The following USP42 variants were observed in gnomAD, a reference collection of about 807,000 sequenced individuals.
USP42 encodes the protein ubiquitin specific peptidase 42.
Under a neutral mutation model 113.0 loss-of-function variants are expected in USP42, and 23 were observed. That is an observed-to-expected ratio of 0.20 (90% CI 0.15 to 0.29). USP42 has a LOEUF of 0.29. USP42 is among the 10% of genes least tolerant of loss of function. USP42 has a pLI of 1.00. For missense variants in USP42, 2,174 were observed against 1,779.8 expected (o/e 1.22, Z -3.99); for synonymous variants, 933 against 699.0 (o/e 1.33, Z -5.28).
At chr7:6,124,928 C>G (rs1361009128) in intron 3 of USP42, among the ~76,000 whole-genome samples, 1 of 151,912 alleles carries the variant, frequency 6.6e-6, no homozygotes, top group African/African-American at 2.4e-5. Context: ...TGCCTGTAGT[C>G]TCAGCACTTT....
chr7:6,106,110 A>C (rs1234613029), intron 1 of USP42, among the ~76,000 whole-genome samples: 1 of 152,110 alleles, frequency 6.6e-6, no homozygotes, highest in Non-Finnish European at 1.5e-5. Flanking sequence ...GATCAGTTTC[A>C]CTTATTTGTT....
intron 14 of USP42, among the ~76,000 whole-genome samples, chr7:6,151,723 G>C (rs143995802): frequency 3.9e-5 from 6 of 152,308 alleles, no homozygotes; most frequent in African/African-American, 1.2e-4. Context: ...GATTCCAGAC[G>C]TGAGCCACCG....
chr7:6,089,134 T>G, the USP42 span, among the ~76,000 whole-genome samples: 1 of 150,682 alleles, frequency 6.6e-6, no homozygotes, highest in Non-Finnish European at 1.5e-5. Context: ...AACCGCCACC[T>G]CCCAGGTTCA....
In USP42 at chr7:6,147,770, A is replaced by C. The variant is rs1473328566; in HGVS notation, c.1264A>C (p.Thr422Pro). 2.5e-6 allele frequency: 4 copies of C among 1,594,136 alleles called. No individual in the cohort carries two copies. Among genetic ancestry groups the C allele is most frequent in the African/African-American group, 1.3e-5 (1 of 74,354 alleles). The change falls in exon 12 of 18, where the codon ACT becomes CCT. Residue 422 changes from threonine (T) to proline (P), a missense_variant. Physicochemically the swap from Thr to Pro is conservative, Grantham distance 38. Coordinates refer to ENST00000306177, the MANE Select transcript of USP42 (RefSeq NM_032172.3). Reference protein sequence around the residue: ...SHDVKNGGELTHPTHSPGQSS... With the variant: ...SHDVKNGGELPHPTHSPGQSS... ...TGATGTGAAAAATGGAGGTGAACTT[A>C]CTCATCCCACCCATAGCCCCGGCCA...
Position 6,157,007 on chromosome 7 carries a change from C to CA in USP42, c.3895_3896insA (p.Arg1299GlnfsTer7). ...TTTCCGTGAGAAAACGAAACACTTA[C>CA]GGATGGAAAGCAGGGATGACAGGTG... On this transcript the variant is annotated frameshift_variant, in exon 16 of 18. Coordinates refer to ENST00000306177, the MANE Select transcript of USP42 (RefSeq NM_032172.3). LOFTEE classifies it high-confidence loss of function. The surrounding 1 kb of genome is among the most constrained non-coding windows in gnomAD (Gnocchi z 4.1). 6.2e-7 allele frequency: 1 copy of CA among 1,613,104 alleles called. No homozygotes were observed. Among genetic ancestry groups the CA allele is most frequent in the South Asian group, 1.1e-5 (1 of 90,900 alleles).
chr7:6,141,208 T>TC (rs1562835976), intron 7 of USP42, among the ~76,000 whole-genome samples: 2 of 147,090 alleles, frequency 1.4e-5, no homozygotes, highest in African/African-American at 5.0e-5. Flanking sequence ...TTTCTTTTTT[T>TC]TTTTTTTTTT....
intron 3 of USP42, among the ~76,000 whole-genome samples, chr7:6,125,180 C>CAAA (rs1291832906): frequency 5.6e-5 from 3 of 54,028 alleles, no homozygotes; most frequent in African/African-American, 2.4e-4. Flanking sequence ...GACTCTGTCT[C>CAAA]AACAAAAAAA....
Position 6,139,990 on chromosome 7 carries a change from G to T in USP42, c.657-138G>T, listed in dbSNP as rs559441035. 7.2e-6 allele frequency: 6 copies of T among 835,616 alleles called. No individual in the cohort carries two copies. The highest frequency in any genetic ancestry group is 3.3e-5 in the African/African-American group (2 of 59,792). The allele number at this position is 835,616 out of a possible 1,614,324, so 51.8% of individuals were successfully genotyped here. Reference sequence around the variant, plus strand: ...AAGGGATGCTCTTGGGCTGCCACACGTGCCATCCTTTTATTTTCCATGGCT... The same window carrying T: ...AAGGGATGCTCTTGGGCTGCCACACTTGCCATCCTTTTATTTTCCATGGCT... On this transcript the variant is annotated intron_variant, in intron 5 of 17. Transcript: ENST00000306177. The surrounding 1 kb of genome is among the most constrained non-coding windows in gnomAD (Gnocchi z 4.5).
chr7:6,118,071 T>C (rs1780012115), intron 3 of USP42, among the ~76,000 whole-genome samples: 2 of 152,192 alleles, frequency 1.3e-5, no homozygotes, highest in Non-Finnish European at 2.9e-5. Flanking sequence ...TTTCTTTTTT[T>C]TTCTTTTTAT....
intron 3 of USP42, among the ~76,000 whole-genome samples, chr7:6,120,344 G>A (rs758621313): frequency 6.6e-6 from 1 of 152,176 alleles, no homozygotes; most frequent in African/African-American, 2.4e-5. Flanking sequence ...TTCGGTTTAA[G>A]TGATTCTCCT....
At chr7:6,087,130 C>A in the USP42 span, among the ~76,000 whole-genome samples, 1 of 149,410 alleles carries the variant, frequency 6.7e-6, no homozygotes, top group East Asian at 1.9e-4. Context: ...CTCCCATGTT[C>A]AAGCGATTCT....
At chr7:6,097,609 G>A in the USP42 span, among the ~76,000 whole-genome samples, 5 of 143,768 alleles carry the variant, frequency 3.5e-5, no homozygotes, top group African/African-American at 5.3e-5. Flanking sequence ...TTTTTTTTTC[G>A]AGACAGAGTC....
intron 3 of USP42, among the ~76,000 whole-genome samples, chr7:6,117,902 T>A (rs533887823): frequency 1.3e-5 from 2 of 152,358 alleles, no homozygotes; most frequent in African/African-American, 4.8e-5. Context: ...CCTGTTGAAA[T>A]CTTTTGCCCG....
the USP42 span, among the ~76,000 whole-genome samples, chr7:6,084,214 A>G: frequency 6.6e-6 from 1 of 150,878 alleles, no homozygotes; most frequent in Non-Finnish European, 1.5e-5. Context: ...TTTAGTAGAG[A>G]CAGGGTTTCA....
the USP42 span, among the ~76,000 whole-genome samples, chr7:6,097,655 A>G: frequency 2.7e-5 from 4 of 149,562 alleles, no homozygotes; most frequent in Non-Finnish European, 5.9e-5. Flanking sequence ...CAGTGGCACA[A>G]TCTCAGCTCA....
intron 3 of USP42, among the ~76,000 whole-genome samples, chr7:6,132,357 T>C (rs1249255353): frequency 6.6e-6 from 1 of 152,196 alleles, no homozygotes; most frequent in Non-Finnish European, 1.5e-5. Flanking sequence ...TGTTTTTGTT[T>C]TGTTTCTTGT....
chr7:6,094,232 C>T, the USP42 span, among the ~76,000 whole-genome samples: 1 of 149,870 alleles, frequency 6.7e-6, no homozygotes. Context: ...GGAGTGCCAT[C>T]GTGCCATAAT....
At position 6,157,110 on chromosome 7, in the gene USP42, C is replaced by T. The variant is rs760491595; in HGVS notation, c.3943+55C>T. 6.7e-7 allele frequency: 1 copy of T among 1,484,564 alleles called. No homozygotes were observed. Among genetic ancestry groups the T allele is most frequent in the South Asian group, 1.4e-5 (1 of 70,816 alleles). 92.0% of individuals were successfully genotyped at this position (1,484,564 alleles called of 1,614,324 possible). On this transcript the variant is annotated intron_variant, in intron 16 of 17. Coordinates refer to ENST00000306177, the MANE Select transcript of USP42 (RefSeq NM_032172.3). This position sits in a 1 kb window ranked among gnomAD's most constrained non-coding sequence, Gnocchi z 4.1. ...TAGAAACTATTTCTTAATACATTTTCTTTGCAAAGGTGATTAACATGTAGA... is the reference window on the plus strand; with the variant it reads ...TAGAAACTATTTCTTAATACATTTTTTTTGCAAAGGTGATTAACATGTAGA...
Position 6,156,949 on chromosome 7 carries a change from C to G in USP42, c.3837C>G (p.Leu1279=). 2 of 1,613,834 alleles carry G rather than the reference C, an allele frequency of 1.2e-6. No homozygotes were observed. The highest frequency in any genetic ancestry group is 2.2e-5 in the East Asian group (1 of 44,870). The change falls in exon 16 of 18, where the codon CTC becomes CTG. Residue 1279 remains leucine, a synonymous_variant. Transcript: ENST00000306177. ...QFRRAQGGFP[L]SGGPPLEGVG... ...GGAGAGCCCAGGGTGGCTTTCCTCT[C>G]TCTGGTGGCCCGCCTCTGGAAGGCG...
Sources: gnomAD v4.1 joint callset for allele counts (sites outside exome capture counted in the v4.1 genomes callset) on GRCh38, gnomAD v4.1.1 for gene constraint, Gnocchi (gnomAD v3.1) non-coding constraint, MANE v1.5 for transcripts, NCBI Gene and HGNC (gene_info 2026-07-23, HGNC 2026-07-21) for gene names.